NFIB: variants seen among roughly 807,000 people sequenced by gnomAD.
NFIB encodes nuclear factor I B, also known as nuclear factor 1 B-type.
In NFIB, 11 loss-of-function variants were observed where a neutral mutation model predicts 61.5. That is an observed-to-expected ratio of 0.18 (90% confidence interval 0.11 to 0.30). The LOEUF (loss-of-function observed/expected upper bound fraction) is 0.30, where lower values mean the gene tolerates loss of function less well. Among genes scored for constraint, NFIB ranks in the 10% least tolerant of loss-of-function variants. The pLI is 1.00. For missense variants in NFIB, 471 were observed against 608.9 expected (o/e 0.77, Z 2.38); for synonymous variants, 260 against 216.5 (o/e 1.20, Z -1.76).
At chr9:14,129,812 C>G (rs932731222) in intron 6 of NFIB, among the ~76,000 whole-genome samples, 1 of 151,944 alleles carries the variant, frequency 6.6e-6, no homozygotes, top group African/African-American at 2.4e-5. Context: ...TATATAATAA[C>G]TTGAATAATG....
In NFIB at chr9:14,250,480, T is replaced by C. The variant is rs981168398; in HGVS notation, c.562+56509A>G. Among the ~76,000 whole-genome samples, 6 of 152,248 alleles carry C rather than the reference T, an allele frequency of 3.9e-5. No individual in the cohort carries two copies. In the East Asian group the frequency reaches 7.7e-4, roughly 20 times the overall value. ...AGCTTTTGCCATTAAAACTTTCAGG[T>C]GTGTCCCAAGATAAATGATACATCA... On this transcript the variant is annotated intron_variant, in intron 2 of 10. Coordinates refer to ENST00000380953, the MANE Select transcript of NFIB (RefSeq NM_001190737.2).
intron 2 of NFIB, among the ~76,000 whole-genome samples, chr9:14,298,248 T>C (rs558665318): frequency 6.6e-6 from 1 of 152,290 alleles, no homozygotes; most frequent in South Asian, 2.1e-4. Context: ...TAGTCAAAGA[T>C]TTATAGTGTT....
the NFIB span, among the ~76,000 whole-genome samples, chr9:14,452,891 G>A: frequency 1.3e-5 from 2 of 152,140 alleles, no homozygotes; most frequent in Non-Finnish European, 2.9e-5. Flanking sequence ...CCACACATGT[G>A]GTTAAATAAA....
upstream of NFIB, among the ~76,000 whole-genome samples, chr9:14,316,575 T>C (rs904528255): frequency 4.6e-5 from 7 of 152,232 alleles, no homozygotes; most frequent in Admixed American, 1.3e-4. Flanking sequence ...TGGGATAAAG[T>C]TGGCAGTCTT....
chr9:14,119,950 T>G (rs1180850708), intron 8 of NFIB, among the ~76,000 whole-genome samples: 1 of 152,254 alleles, frequency 6.6e-6, no homozygotes, highest in Non-Finnish European at 1.5e-5. Context: ...AAGTCATGTC[T>G]CTGCAAAGAA....
chr9:14,166,176 C>A (rs899365048), intron 3 of NFIB, among the ~76,000 whole-genome samples: 2 of 152,108 alleles, frequency 1.3e-5, no homozygotes, highest in African/African-American at 4.8e-5. Flanking sequence ...TTACTATTCT[C>A]ATGATTAGTC....
chr9:14,156,812 A>G (rs1467611618), intron 3 of NFIB, among the ~76,000 whole-genome samples: 3 of 152,230 alleles, frequency 2.0e-5, no homozygotes, highest in African/African-American at 7.2e-5. Flanking sequence ...TAGGGTGAGA[A>G]TAAGTTTGAA....
intron 1 of NFIB, among the ~76,000 whole-genome samples, chr9:14,331,070 A>G (rs765832173): frequency 1.1e-4 from 17 of 152,202 alleles, no homozygotes; most frequent in Non-Finnish European, 2.4e-4. Flanking sequence ...TAATTAAGCA[A>G]GGCCTCCCTG....
intron 2 of NFIB, among the ~76,000 whole-genome samples, chr9:14,295,477 A>T (rs2059377220): frequency 6.6e-6 from 1 of 152,066 alleles, no homozygotes; most frequent in Non-Finnish European, 1.5e-5. Context: ...ATACAAAAAA[A>T]AAACTCAGCC....
In NFIB at chr9:14,307,473, T is replaced by G. The variant is rs1427991938; in HGVS notation, c.78A>C (p.Ala26=). The G allele has an allele frequency of 9.3e-6, 15 of 1,612,898 alleles. No individual in the cohort carries two copies. ...FIEALLPHVR[A]IAYTWFNLQA... is the part of the protein sequence containing the mutation. ...GCAGGTTGAACCAAGTATAGGCAAT[T>G]GCACGGACATGTGGAAGAAGTGCCT... is the stretch of plus-strand genomic sequence containing the variant. The change falls in exon 2 of 11, where the codon GCA becomes GCC. Residue 26 remains alanine (A), a synonymous_variant. Coordinates refer to ENST00000380953, the MANE Select transcript of NFIB (RefSeq NM_001190737.2). The surrounding 1 kb of genome is among the most constrained non-coding windows in gnomAD (Gnocchi z 5.3).
intron 1 of NFIB, among the ~76,000 whole-genome samples, chr9:14,346,749 C>T (rs1291084828): frequency 6.6e-6 from 1 of 152,182 alleles, no homozygotes; most frequent in Non-Finnish European, 1.5e-5. Context: ...TGATGGTCAC[C>T]TGGCGGTGCG....
At chr9:14,111,069 G>C (rs1307311930) in intron 10 of NFIB, among the ~76,000 whole-genome samples, 2 of 152,016 alleles carry the variant, frequency 1.3e-5, no homozygotes, top group Non-Finnish European at 2.9e-5. Context: ...ATTGTAAGTG[G>C]TCTCGATTCA....
At chr9:14,494,232 C>T in the NFIB span, among the ~76,000 whole-genome samples, 1 of 152,168 alleles carries the variant, frequency 6.6e-6, no homozygotes, top group Non-Finnish European at 1.5e-5. Context: ...ACATTTCTTC[C>T]CTCATGTAAG....
At chr9:14,292,674 A>G (rs1563982405) in intron 2 of NFIB, among the ~76,000 whole-genome samples, 1 of 152,190 alleles carries the variant, frequency 6.6e-6, no homozygotes, top group East Asian at 1.9e-4. Flanking sequence ...AGGACCAGCA[A>G]TGTTTTTCTC....
the NFIB span, among the ~76,000 whole-genome samples, chr9:14,499,341 T>A: frequency 9.2e-5 from 14 of 152,144 alleles, no homozygotes; most frequent in East Asian, 2.7e-3. Context: ...AAAAAGAGCT[T>A]CTTCAGTGGA....
the NFIB span, among the ~76,000 whole-genome samples, chr9:14,423,071 G>A: frequency 1.3e-5 from 2 of 152,114 alleles, no homozygotes; most frequent in African/African-American, 2.4e-5. Context: ...GTAAAAAAAA[G>A]TATGCCCACA....
At chr9:14,095,239 C>G (rs948180911) in intron 10 of NFIB, among the ~76,000 whole-genome samples, 3 of 152,004 alleles carry the variant, frequency 2.0e-5, no homozygotes, top group African/African-American at 4.8e-5. Flanking sequence ...ATTGTTTGAT[C>G]TTTTTCAAAT....
chr9:14,246,984 G>T (rs762940153), intron 2 of NFIB, among the ~76,000 whole-genome samples: 34 of 150,960 alleles, frequency 2.3e-4, no homozygotes, highest in Non-Finnish European at 4.1e-4. Flanking sequence ...TCTCTCTCTT[G>T]CTTTCTTTCA....
At chr9:14,315,090 A>C (rs1477950742), upstream of NFIB, among the ~76,000 whole-genome samples, 5 of 151,932 alleles carry the variant, frequency 3.3e-5, no homozygotes, top group African/African-American at 7.2e-5. Flanking sequence ...GGGGAGGCCG[A>C]GCAGGCGGGG....
Sources: gnomAD v4.1 joint callset for allele counts (sites outside exome capture counted in the v4.1 genomes callset) on GRCh38, gnomAD v4.1.1 for gene constraint, Gnocchi (gnomAD v3.1) non-coding constraint, MANE v1.5 for transcripts, NCBI Gene and HGNC (gene_info 2026-07-23, HGNC 2026-07-21) for gene names.